Variants in TOP1MT observed in about 807,000 individuals in gnomAD.
The protein encoded by TOP1MT is DNA topoisomerase I, mitochondrial.
TOP1MT carries 80 observed loss-of-function variants against 73.9 expected under a neutral mutation model. The observed-to-expected ratio is 1.08, with a 90% CI of 0.90 to 1.30. TOP1MT has a LOEUF of 1.30. Among genes scored for constraint, TOP1MT ranks in the 50% most tolerant of loss-of-function variants. TOP1MT has a pLI of 0.00. For missense variants in TOP1MT, 815 were observed against 808.0 expected, an observed-to-expected ratio of 1.01 and a Z score of -0.10; for synonymous variants, 338 against 326.4, an observed-to-expected ratio of 1.04 and a Z score of -0.38.
At chr8:143,359,121 T>C (rs752095882), upstream of TOP1MT, 342 of 681,090 alleles carry the variant, frequency 5.0e-4, no homozygotes, top group Non-Finnish European at 6.0e-4. Flanking sequence ...GGATTATAGG[T>C]GTGAGCCACC....
chr8:143,336,426 T>C (rs1025968302), upstream of TOP1MT, among the ~76,000 whole-genome samples: 10 of 152,040 alleles, frequency 6.6e-5, no homozygotes, highest in Non-Finnish European at 1.2e-4. Flanking sequence ...AAGAACAGAA[T>C]AGAAAGAAAC....
In TOP1MT at chr8:143,329,519, G is replaced by A. The variant is rs781486460; in HGVS notation, c.239-48C>T. 1.7e-5 allele frequency: 27 copies of A among 1,585,198 alleles called. 1 individual carries two copies. In the South Asian group the frequency reaches 2.8e-4, roughly 16 times the overall value. ...CGTATGAGAGAGCGGCCAGAGGCTC[G>A]GCCTCCAGCTGACATGACCTCATTG... On this transcript the variant is annotated intron_variant, in intron 2 of 13. Transcript: ENST00000329245.
chr8:143,328,753 C>T (rs925464697), intron 3 of TOP1MT, among the ~76,000 whole-genome samples: 6 of 152,232 alleles, frequency 3.9e-5, no homozygotes, highest in South Asian at 2.1e-4. Flanking sequence ...ACAGAGGAAA[C>T]GCGACCCGGC....
chr8:143,322,536 TGCACGCCACACACAC>T (rs1563759482), intron 7 of TOP1MT, among the ~76,000 whole-genome samples: 3 of 36,768 alleles, frequency 8.2e-5, no homozygotes, highest in Non-Finnish European at 1.6e-4. Context: ...ACGCCAAAGA[TGCACGCCACACACAC>T]GCACGCCACA....
At position 143,316,127 on chromosome 8, in the gene TOP1MT, C is replaced by T; in HGVS notation, c.1331-1G>A. On this transcript the variant is annotated splice_acceptor_variant, in intron 10 of 13. Coordinates refer to ENST00000329245, the MANE Select transcript of TOP1MT (RefSeq NM_052963.3). LOFTEE classifies it high-confidence loss of function. ...ATCTTAGCTGCTATGCTGTCCTCGG[C>T]TGAGAGGCACGGGCTGTCAGAGGCA... The T allele has an allele frequency of 1.9e-6, 3 of 1,614,076 alleles. No homozygotes were observed. The highest frequency in any genetic ancestry group is 2.5e-6 in the Non-Finnish European group (3 of 1,179,980).
chr8:143,335,671 T>C (rs1278650774), upstream of TOP1MT, among the ~76,000 whole-genome samples: 1 of 152,238 alleles, frequency 6.6e-6, no homozygotes, highest in African/African-American at 2.4e-5. Context: ...GCAGCCTTGG[T>C]CTTCCCCGGT....
intron 6 of TOP1MT, 102 bp downstream of exon 6, chr8:143,324,383 C>A: frequency 6.4e-7 from 1 of 1,551,868 alleles, no homozygotes; most frequent in East Asian, 2.3e-5. Flanking sequence ...ACTCCCAGCC[C>A]ATCTCAGAAG....
intron 12 of TOP1MT, among the ~76,000 whole-genome samples, chr8:143,315,388 G>A (rs13260981): frequency 0.38 from 56,906 of 151,748 alleles, 13,319 homozygotes; most frequent in East Asian, 0.68. Flanking sequence ...CTGCCAAACA[G>A]GGAAGGGCCC....
upstream of TOP1MT, among the ~76,000 whole-genome samples, chr8:143,338,572 A>C (rs549240749): frequency 5.7e-4 from 87 of 152,354 alleles, no homozygotes; most frequent in African/African-American, 2.0e-3. Context: ...GTCTCAAAAA[A>C]AAAAAAATGT....
chr8:143,325,524 C>A lies in TOP1MT; in HGVS notation c.493G>T (p.Glu165Ter), dbSNP rs1816683664. Residue 165 changes from glutamate to a stop codon, truncating the protein, a stop_gained, in exon 5 of 14, where the codon GAA becomes TAA. Coordinates refer to ENST00000329245, the MANE Select transcript of TOP1MT (RefSeq NM_052963.3). LOFTEE classifies it high-confidence loss of function. ...LSREEKQKLK[E>*]EAEKLQQEFG... The stretch of plus-strand genomic sequence containing the variant: ...TCTTGCTGAAGTTTTTCTGCCTCTT[C>A]TTTTAGCTTCTGAGTTAATAAAACA... 6.2e-7 allele frequency: 1 copy of A among 1,607,756 alleles called. No individual in the cohort carries two copies. Among genetic ancestry groups the A allele is most frequent in the Non-Finnish European group, 8.5e-7 (1 of 1,174,714 alleles).
chr8:143,359,301 A>G (rs141660496), upstream of TOP1MT: 1,862 of 985,362 alleles, frequency 1.9e-3, 27 homozygotes, highest in African/African-American at 0.03. Context: ...AAAGCGATCC[A>G]GGAGAAGGGA....
At chr8:143,335,294 C>T (rs1816963303), upstream of TOP1MT, among the ~76,000 whole-genome samples, 1 of 152,232 alleles carries the variant, frequency 6.6e-6, no homozygotes, top group Admixed American at 6.5e-5. Flanking sequence ...AGGGACCACA[C>T]AGGCTCAGAT....
At chr8:143,310,304 C>T (rs1815976649) in intron 12 of TOP1MT, 87 bp from the exon 13 acceptor site, 4 of 1,022,876 alleles carry the variant, frequency 3.9e-6, no homozygotes, top group Non-Finnish European at 5.5e-6. Context: ...TGCCGCCTTC[C>T]CTCCCAGTGC....
Position 143,318,039 on chromosome 8 carries a change from G to A in TOP1MT, c.1194C>T (p.Asp398=), listed in dbSNP as rs34884995. The change falls in exon 9 of 14, where the codon GAC becomes GAT. Residue 398 remains aspartate (D), a synonymous_variant. Coordinates refer to ENST00000329245, the MANE Select transcript of TOP1MT (RefSeq NM_052963.3). ...TTACGGTCAGCCTGTCGAAGAGGTCGTCCCGGGGGTCCTTGTTCTCCATAA... is the reference window on the plus strand; with the variant it reads ...TTACGGTCAGCCTGTCGAAGAGGTCATCCCGGGGGTCCTTGTTCTCCATAA... ...QLFMENKDPR[D]DLFDRLTTTS... is the part of the protein sequence containing the mutation. The A allele has an allele frequency of 1.7e-4, 279 of 1,614,144 alleles. 1 individual carries two copies. In the African/African-American group the frequency reaches 2.5e-3, roughly 14 times the overall value.
chr8:143,329,920 T>C (rs1183252025), intron 2 of TOP1MT, among the ~76,000 whole-genome samples: 1 of 144,756 alleles, frequency 6.9e-6, no homozygotes, highest in African/African-American at 2.8e-5. Context: ...CATTTTATTC[T>C]AAGATCAGTG....
chr8:143,310,007 C>T, intron 13 of TOP1MT, 61 bp downstream of exon 13: 1 of 1,598,874 alleles, frequency 6.3e-7, no homozygotes, highest in Non-Finnish European at 8.5e-7. Context: ...ACAGAGGCCT[C>T]CTGGAAAACC....
chr8:143,321,183 T>C lies in TOP1MT; in HGVS notation c.1146+18A>G, dbSNP rs2130025930. 1 of 1,565,908 alleles carries C rather than the reference T, an allele frequency of 6.4e-7. No homozygotes were observed. The highest frequency in any genetic ancestry group is 1.4e-5 in the African/African-American group (1 of 73,520). ...ATACGTGTCACATAGCGGGGGCAGC[T>C]GGCGCGAGGGCACTCACCGGCTTCT... On this transcript the variant is annotated intron_variant, in intron 8 of 13. Coordinates refer to ENST00000329245, the MANE Select transcript of TOP1MT (RefSeq NM_052963.3).
chr8:143,310,656 A>G (rs538216438), intron 12 of TOP1MT, among the ~76,000 whole-genome samples: 1 of 152,312 alleles, frequency 6.6e-6, no homozygotes, highest in Non-Finnish European at 1.5e-5. Context: ...TGCACCCTCC[A>G]ATGCCAGAAC....
intron 1 of TOP1MT, among the ~76,000 whole-genome samples, chr8:143,353,308 C>T (rs1261227085): frequency 6.6e-6 from 1 of 151,856 alleles, no homozygotes; most frequent in Non-Finnish European, 1.5e-5. Flanking sequence ...CCCAGCTACT[C>T]AGGAGGCTGA....
Sources: allele counts gnomAD v4.1 joint callset (sites outside exome capture counted in the v4.1 genomes callset), GRCh38; gene constraint gnomAD v4.1.1; transcripts MANE v1.5; gene names NCBI Gene and HGNC (gene_info 2026-07-23, HGNC 2026-07-21).